Variants in UGT2A1 observed in about 807,000 individuals in gnomAD.
UGT2A1 encodes the protein UDP-glucuronosyltransferase 2A1.
A neutral mutation model predicts 45.4 loss-of-function variants in UGT2A1; 61 were observed. That is an observed-to-expected ratio of 1.34 (90% CI 1.09 to 1.66). The LOEUF (loss-of-function observed/expected upper bound fraction) is 1.66, where lower values mean the gene tolerates loss of function less well. UGT2A1 is among the 40% of genes most tolerant of loss of function. The probability of loss-of-function intolerance (pLI) is 0.00; values close to 1 mark genes in which losing one functional copy is unlikely to be tolerated. For missense variants in UGT2A1, 649 were observed against 574.3 expected, an observed-to-expected ratio of 1.13 and a Z score of -1.33; for synonymous variants, 229 against 196.2, an observed-to-expected ratio of 1.17 and a Z score of -1.40.
chr4:69,638,903 A>C, intron 2 of UGT2A1: 1 of 1,576,396 alleles, frequency 6.3e-7, no homozygotes, highest in South Asian at 1.2e-5. Flanking sequence ...ACTTACCTAA[A>C]ATTTTGCTAT....
rs1721515583 is a variant in UGT2A1, at chr4:69,633,762, A to G, written c.847+1929T>C. On this transcript the variant is annotated intron_variant, in intron 3 of 6. Transcript: ENST00000286604. ...TCAAGGAAAATTGATCCATGGTTTCAGAAGCCAAGAAAGTGTTTACCATTA... is the reference window on the plus strand; with the variant it reads ...TCAAGGAAAATTGATCCATGGTTTCGGAAGCCAAGAAAGTGTTTACCATTA... Among the ~76,000 whole-genome samples, 4 of 152,290 alleles carry G rather than the reference A, an allele frequency of 2.6e-5. No homozygotes were observed. In the South Asian group the frequency reaches 8.3e-4, roughly 32 times the overall value.
In UGT2A1 at chr4:69,631,077, T is replaced by G. The variant is rs192608713; in HGVS notation, c.847+4614A>C. On this transcript the variant is annotated intron_variant, in intron 3 of 6. Transcript: ENST00000286604. ...CTCTTTCTTAAACTATAACACTACT[T>G]TCTCATTTGAAAAAGAGAATCAGTG... is the stretch of plus-strand genomic sequence containing the variant. Among the ~76,000 whole-genome samples, 552 of 152,236 alleles carry G rather than the reference T, an allele frequency of 3.6e-3. 2 individuals carry two copies. Among genetic ancestry groups the G allele is most frequent in the African/African-American group, 0.013 (531 of 41,584 alleles).
chr4:69,601,449 T>C (rs990685951), intron 3 of UGT2A1, among the ~76,000 whole-genome samples: 1 of 152,150 alleles, frequency 6.6e-6, no homozygotes, highest in African/African-American at 2.4e-5. Flanking sequence ...ACCACTACAA[T>C]TGGAGCTCTT....
intron 2 of UGT2A1, among the ~76,000 whole-genome samples, chr4:69,641,287 A>C (rs2109972585): frequency 6.6e-6 from 1 of 152,078 alleles, no homozygotes; most frequent in South Asian, 2.1e-4. Context: ...AACGCTTTTA[A>C]TTTGAGTTGA....
intron 3 of UGT2A1, among the ~76,000 whole-genome samples, chr4:69,616,557 C>A (rs1301498848): frequency 2.0e-5 from 3 of 151,916 alleles, no homozygotes; most frequent in East Asian, 1.9e-4. Context: ...ATAACATGTA[C>A]CCCACCAACA....
intron 3 of UGT2A1, among the ~76,000 whole-genome samples, chr4:69,616,878 C>T (rs889631019): frequency 5.5e-4 from 60 of 109,280 alleles, no homozygotes; most frequent in African/African-American, 1.9e-3. Context: ...TTTCATTTTC[C>T]CACTTGAAAT....
At chr4:69,643,429 T>C (rs1437127779) in intron 2 of UGT2A1, among the ~76,000 whole-genome samples, 1 of 151,660 alleles carries the variant, frequency 6.6e-6, no homozygotes, top group African/African-American at 2.4e-5. Context: ...TTTCTCATAA[T>C]TTTAACATGT....
intron 2 of UGT2A1, among the ~76,000 whole-genome samples, chr4:69,642,514 T>G (rs1722092807): frequency 6.6e-6 from 1 of 151,812 alleles, no homozygotes; most frequent in African/African-American, 2.4e-5. Flanking sequence ...GTGCATTTTT[T>G]CTTCTTTAAA....
chr4:69,630,762 T>C (rs914152340), intron 3 of UGT2A1, among the ~76,000 whole-genome samples: 12 of 152,122 alleles, frequency 7.9e-5, no homozygotes, highest in Non-Finnish European at 1.6e-4. Flanking sequence ...ATACAGACCC[T>C]AAAGGTGAAA....
chr4:69,633,960 A>G (rs1383193366), intron 3 of UGT2A1, among the ~76,000 whole-genome samples: 2 of 151,892 alleles, frequency 1.3e-5, no homozygotes, highest in African/African-American at 2.4e-5. Context: ...AATTTTAAAA[A>G]CCCGGCCGCG....
chr4:69,605,649 A>C (rs1425023618), intron 3 of UGT2A1, among the ~76,000 whole-genome samples: 1 of 136,840 alleles, frequency 7.3e-6, no homozygotes, highest in East Asian at 2.1e-4. Context: ...TTTTTTGAAA[A>C]GATCAACCAA....
At chr4:69,625,570 T>C (rs1264229525) in intron 3 of UGT2A1, among the ~76,000 whole-genome samples, 2 of 151,388 alleles carry the variant, frequency 1.3e-5, no homozygotes, top group Non-Finnish European at 3.0e-5. Flanking sequence ...TAATTTTAGA[T>C]ATTGTGTGTT....
intron 1 of UGT2A1, among the ~76,000 whole-genome samples, chr4:69,650,623 T>C (rs1212320081): frequency 6.6e-6 from 1 of 152,064 alleles, no homozygotes; most frequent in African/African-American, 2.4e-5. Context: ...TATTATGTAA[T>C]AATACATACC....
chr4:69,600,299 C>T (rs1210048853), intron 3 of UGT2A1, among the ~76,000 whole-genome samples: 2 of 152,194 alleles, frequency 1.3e-5, no homozygotes, highest in Non-Finnish European at 2.9e-5. Context: ...GGTTTGTGTG[C>T]ACTCCCAGAC....
intron 2 of UGT2A1, among the ~76,000 whole-genome samples, chr4:69,636,713 T>C (rs1284631910): frequency 6.6e-6 from 1 of 152,128 alleles, no homozygotes; most frequent in Non-Finnish European, 1.5e-5. Context: ...TAAAAAGGGT[T>C]TTATCATTGC....
At chr4:69,612,402 T>A (rs1287904682) in intron 3 of UGT2A1, among the ~76,000 whole-genome samples, 1 of 151,954 alleles carries the variant, frequency 6.6e-6, no homozygotes, top group African/African-American at 2.4e-5. Context: ...AAAACTATTC[T>A]AAAATTTATA....
At chr4:69,616,833 CTTTTTTTT>C (rs4148315) in intron 3 of UGT2A1, among the ~76,000 whole-genome samples, 1 of 127,300 alleles carries the variant, frequency 7.9e-6, no homozygotes, top group Non-Finnish European at 1.6e-5. Flanking sequence ...ATTTTCTTTT[CTTTTTTTT>C]TTTTTTTTTG....
At position 69,647,112 on chromosome 4, in the gene UGT2A1, G is replaced by A. The variant is rs780607696; in HGVS notation, c.533C>T (p.Thr178Ile). ...TACCTTCCCACAGTGCTTTTCCACT[G>A]TTGAGGCTGGAGAAAACCTCAAGGA... ...MYSLRFSPAS[T>I]VEKHCGKVPY... Residue 178 changes from threonine to isoleucine, a missense_variant, in exon 2 of 7, where the codon ACA (threonine) becomes ATA (isoleucine). Thr to Ile is a moderately conservative substitution (Grantham distance 89). Coordinates refer to ENST00000286604, the MANE Select transcript of UGT2A1 (RefSeq NM_001252275.3). 5.6e-6 allele frequency: 9 copies of A among 1,612,796 alleles called. No homozygotes were observed. Among genetic ancestry groups the A allele is most frequent in the African/African-American group, 2.7e-5 (2 of 74,842 alleles).
At chr4:69,617,589 A>G (rs548081113) in intron 3 of UGT2A1, among the ~76,000 whole-genome samples, 5 of 151,970 alleles carry the variant, frequency 3.3e-5, no homozygotes, top group Admixed American at 3.3e-4. Flanking sequence ...GTTTCAAATT[A>G]GGGCTAGTGC....
Sources: allele counts gnomAD v4.1 joint callset (sites outside exome capture counted in the v4.1 genomes callset), GRCh38; gene constraint gnomAD v4.1.1; transcripts MANE v1.5; gene names NCBI Gene and HGNC (gene_info 2026-07-23, HGNC 2026-07-21).